Variants in SNX1 observed in about 807,000 individuals in gnomAD.
SNX1 encodes the protein sorting nexin-1.
SNX1 carries 36 observed loss-of-function variants against 71.8 expected under a neutral mutation model. That is an observed-to-expected ratio of 0.50 (90% CI 0.38 to 0.66). The LOEUF (loss-of-function observed/expected upper bound fraction) is 0.66. SNX1 is among the 30% of genes least tolerant of loss of function. The pLI, the probability that SNX1 is intolerant of heterozygous loss-of-function variation, is 0.00. For synonymous variants in SNX1, 254 were observed against 240.7 expected (o/e 1.06, Z -0.51); for missense variants, 612 against 646.7 (o/e 0.95, Z 0.58).
chr15:64,126,062 T>C lies in SNX1; in HGVS notation c.511-17T>C. 1 of 1,614,042 alleles carries C rather than the reference T, an allele frequency of 6.2e-7. No homozygotes were observed. ...TATTTGGAATGAAATTGCCTTGTGT[T>C]TTTTCCTGTCCCCAAGACAAGCTTA... On this transcript the variant is annotated splice_polypyrimidine_tract_variant and intron_variant, in intron 5 of 14. Transcript: ENST00000559844.
At chr15:64,117,979 C>T in intron 2 of SNX1, 138 bp from the exon 3 acceptor site, 1 of 774,212 alleles carries the variant, frequency 1.3e-6, no homozygotes, top group East Asian at 2.8e-5. Context: ...TCCTTGTAAA[C>T]ATTTTATGAC....
At chr15:64,127,866 T>A in intron 8 of SNX1, 60 bp downstream of exon 8, 1 of 1,293,796 alleles carries the variant, frequency 7.7e-7, no homozygotes, top group Non-Finnish European at 1.1e-6. Flanking sequence ...GAAACGAAAC[T>A]AGTTCATTCC....
intron 1 of SNX1, among the ~76,000 whole-genome samples, chr15:64,110,375 TA>T (rs2081066671): frequency 6.6e-6 from 1 of 152,138 alleles, no homozygotes; most frequent in Non-Finnish European, 1.5e-5. Flanking sequence ...TAAGGGAACA[TA>T]AGTCTGTTTT....
chr15:64,096,310 C>G, intron 1 of SNX1, 138 bp downstream of exon 1: 2 of 1,040,302 alleles, frequency 1.9e-6, no homozygotes, highest in South Asian at 3.2e-5. Flanking sequence ...CCCCGGGGAC[C>G]CTGGATGTGC....
chr15:64,123,099 C>T (rs1356843244), intron 4 of SNX1, among the ~76,000 whole-genome samples: 1 of 152,182 alleles, frequency 6.6e-6, no homozygotes, highest in Admixed American at 6.5e-5. Context: ...CAGTTGCTTC[C>T]TTCTCCTCCT....
At chr15:64,101,794 T>A (rs1015480798) in intron 1 of SNX1, among the ~76,000 whole-genome samples, 1 of 152,206 alleles carries the variant, frequency 6.6e-6, no homozygotes, top group Non-Finnish European at 1.5e-5. Flanking sequence ...TACAGCTAGA[T>A]AGGAGGACTG....
At chr15:64,127,324 C>T (rs907257239) in intron 7 of SNX1, 72 bp downstream of exon 7, 22 of 1,151,032 alleles carry the variant, frequency 1.9e-5, no homozygotes, top group Non-Finnish European at 2.4e-5. Context: ...GTCTAAATGA[C>T]GAGACAGTCC....
chr15:64,115,963 C>T (rs1239136007), intron 2 of SNX1, among the ~76,000 whole-genome samples: 1 of 152,170 alleles, frequency 6.6e-6, no homozygotes, highest in Non-Finnish European at 1.5e-5. Context: ...TTCTAATATG[C>T]TAACATGTTC....
intron 1 of SNX1, among the ~76,000 whole-genome samples, chr15:64,109,717 A>G (rs1226413872): frequency 6.6e-6 from 1 of 152,140 alleles, no homozygotes; most frequent in Non-Finnish European, 1.5e-5. Context: ...CATGTTGGCC[A>G]GGCTGGTCTC....
At chr15:64,132,367 C>G (rs1384601793) in intron 11 of SNX1, 1 of 180,534 alleles carries the variant, frequency 5.5e-6, no homozygotes, top group Non-Finnish European at 1.2e-5. Context: ...CTACATGGAA[C>G]TGGCTTGGCA....
chr15:64,134,921 T>C lies in SNX1; in HGVS notation c.1365+114T>C, dbSNP rs928178690. ...CAGGGGGAAGAGCGCTGATTGAGTCTAAAGGGCCGTGGCTGCTGAGGAAGC... is the reference window on the plus strand; with the variant it reads ...CAGGGGGAAGAGCGCTGATTGAGTCCAAAGGGCCGTGGCTGCTGAGGAAGC... On this transcript the variant is annotated intron_variant, in intron 12 of 14. Coordinates refer to ENST00000559844, the MANE Select transcript of SNX1 (RefSeq NM_003099.5). The surrounding 1 kb of genome is among the most constrained non-coding windows in gnomAD (Gnocchi z 4.1). 14 of 1,361,712 alleles carry C rather than the reference T, an allele frequency of 1.0e-5. No homozygotes were observed. In the African/African-American group the frequency reaches 2.0e-4, roughly 20 times the overall value. 84.4% of individuals were successfully genotyped at this position (1,361,712 alleles called of 1,614,324 possible).
chr15:64,130,315 A>C lies in SNX1; in HGVS notation c.1009A>C (p.Arg337=), dbSNP rs1324479097. Residue 337 remains arginine, a synonymous_variant, in exon 10 of 15, where the codon AGG becomes CGG. Transcript: ENST00000559844. The part of the protein sequence containing the change: ...HAVVETLVNH[R]KELALNTAQF... ...TGTTGTAGAAACTCTAGTCAACCATAGGAAAGGTAACAAGCTCTGAAATGC... is the reference window on the plus strand; with the variant it reads ...TGTTGTAGAAACTCTAGTCAACCATCGGAAAGGTAACAAGCTCTGAAATGC... The C allele has an allele frequency of 6.2e-7, 1 of 1,613,568 alleles. No individual in the cohort carries two copies. Among genetic ancestry groups the C allele is most frequent in the Admixed American group, 1.7e-5 (1 of 60,020 alleles).
chr15:64,106,862 A>G (rs536348609), intron 1 of SNX1, among the ~76,000 whole-genome samples: 84 of 152,378 alleles, frequency 5.5e-4, no homozygotes, highest in Non-Finnish European at 1.0e-3. Context: ...ATTTTAGCCC[A>G]GCAAAACCCA....
rs1240608731 is a variant in SNX1 at position 64,141,572 on chromosome 15, C to G, written c.*3954C>G. 6.6e-6 allele frequency: 1 copy of G among 152,236 alleles called. No homozygotes were observed. The highest frequency in any genetic ancestry group is 1.5e-5 in the Non-Finnish European group (1 of 68,100). The allele number at this position is 152,236 out of a possible 1,614,324, so 9.4% of individuals were successfully genotyped here. A position where few individuals can be genotyped will look rare whatever the true frequency, so the allele number is the denominator to read the frequency against. On this transcript the variant is annotated 3_prime_UTR_variant, in exon 15 of 15. Transcript: ENST00000559844. The surrounding 1 kb of genome is among the most constrained non-coding windows in gnomAD (Gnocchi z 5.1). ...TAAAAGTGTTTGTTGCTTCTGCCTC[C>G]CTGTCTGTCTGGCAGGGTGAGGTAG...
In SNX1 at chr15:64,137,654, T is replaced by A; in HGVS notation, c.*36T>A. 6.2e-7 allele frequency: 1 copy of A among 1,614,044 alleles called. No individual in the cohort carries two copies. The highest frequency in any genetic ancestry group is 8.5e-7 in the Non-Finnish European group (1 of 1,179,954). On this transcript the variant is annotated 3_prime_UTR_variant, in exon 15 of 15. Coordinates refer to ENST00000559844, the MANE Select transcript of SNX1 (RefSeq NM_003099.5). Reference sequence around the variant, plus strand: ...ACCCCAGAGCCCACCTGTGTGACGCTGCCTTTTTATACACTGTCCTCCTCC... The same window carrying A: ...ACCCCAGAGCCCACCTGTGTGACGCAGCCTTTTTATACACTGTCCTCCTCC...
chr15:64,100,050 T>C (rs1470895595), intron 1 of SNX1, among the ~76,000 whole-genome samples: 2 of 152,184 alleles, frequency 1.3e-5, no homozygotes, highest in Non-Finnish European at 2.9e-5. Flanking sequence ...TTAATCTTCA[T>C]CTTTTATTTT....
At chr15:64,110,280 A>G (rs1304362290) in intron 1 of SNX1, among the ~76,000 whole-genome samples, 3 of 152,246 alleles carry the variant, frequency 2.0e-5, no homozygotes, top group Non-Finnish European at 2.9e-5. Context: ...CTTAGAACTC[A>G]GCCATGTGTG....
intron 2 of SNX1, chr15:64,115,598 C>G (rs1213843569): frequency 7.6e-6 from 3 of 395,822 alleles, no homozygotes; most frequent in Non-Finnish European, 1.5e-5. Context: ...GGGTCTCACT[C>G]TGTTGCCCAG....
In SNX1 at chr15:64,143,177, C is replaced by T. The variant is rs1342381961; in HGVS notation, c.*5559C>T. The T allele has an allele frequency of 6.3e-6, 1 of 159,758 alleles. No individual in the cohort carries two copies. Among genetic ancestry groups the T allele is most frequent in the Admixed American group, 6.2e-5 (1 of 16,230 alleles). 9.9% of individuals were successfully genotyped at this position (159,758 alleles called of 1,614,324 possible). On this transcript the variant is annotated 3_prime_UTR_variant, in exon 15 of 15. Transcript: ENST00000559844. ...CCAAACATAGGAGGACACATCTGTG[C>T]TACAGTGCGCACATGCCTGGATGTA... is the stretch of plus-strand genomic sequence containing the variant.
Sources: allele counts gnomAD v4.1 joint callset (sites outside exome capture counted in the v4.1 genomes callset), GRCh38; gene constraint gnomAD v4.1.1; non-coding constraint Gnocchi (gnomAD v3.1); transcripts MANE v1.5; gene names NCBI Gene and HGNC (gene_info 2026-07-23, HGNC 2026-07-21).